NOL4: variants seen among roughly 807,000 people sequenced by gnomAD.
The protein encoded by NOL4 is nucleolar protein 4.
In NOL4, 17 loss-of-function variants were observed where a neutral mutation model predicts 75.9. The observed-to-expected ratio is 0.22, with a 90% CI of 0.15 to 0.34. The LOEUF is 0.34. NOL4 is among the 10% of genes least tolerant of loss of function. The pLI is 1.00. For synonymous variants in NOL4, 292 were observed against 289.9 expected (o/e 1.01, Z -0.07); for missense variants, 614 against 793.5 (o/e 0.77, Z 2.72).
intron 5 of NOL4, among the ~76,000 whole-genome samples, chr18:34,032,938 A>G (rs1308589606): frequency 1.3e-5 from 2 of 152,164 alleles, no homozygotes; most frequent in Non-Finnish European, 2.9e-5. Flanking sequence ...AATCACAGAT[A>G]CTACTGATGA....
intron 1 of NOL4, 44 bp from the exon 2 acceptor site, chr18:34,130,064 A>G (rs755864101): frequency 4.8e-6 from 7 of 1,457,124 alleles, no homozygotes; most frequent in Middle Eastern, 1.8e-4. Flanking sequence ...AGATTAATAA[A>G]CTAATTTGCA....
intron 4 of NOL4, among the ~76,000 whole-genome samples, chr18:34,100,040 CT>C (rs34923263): frequency 0.53 from 76,082 of 143,860 alleles, 19,884 homozygotes; most frequent in Admixed American, 0.59. Context: ...CTTAGTCTTG[CT>C]TTTTTTTTTT....
At chr18:34,036,311 G>A (rs1215299662) in intron 5 of NOL4, among the ~76,000 whole-genome samples, 1 of 152,004 alleles carries the variant, frequency 6.6e-6, no homozygotes, top group Non-Finnish European at 1.5e-5. Context: ...TGCAAGGGTG[G>A]TTTCATGTAC....
chr18:33,962,028 A>G (rs549977609), intron 6 of NOL4, among the ~76,000 whole-genome samples: 16 of 152,206 alleles, frequency 1.1e-4, no homozygotes, highest in Admixed American at 7.2e-4. Context: ...AAAATTGCCA[A>G]TCCCTTGGGT....
intron 6 of NOL4, among the ~76,000 whole-genome samples, chr18:33,994,514 A>G (rs1362001430): frequency 6.6e-6 from 1 of 151,898 alleles, no homozygotes; most frequent in Non-Finnish European, 1.5e-5. Context: ...AATATGTAGA[A>G]ATTAAGCAAT....
intron 5 of NOL4, among the ~76,000 whole-genome samples, chr18:34,059,857 A>G (rs1169358296): frequency 1.3e-5 from 2 of 152,164 alleles, no homozygotes; most frequent in Admixed American, 6.5e-5. Flanking sequence ...GAAGAGGAAG[A>G]GGCTCTGACA....
At chr18:33,989,190 CAAAAAAAAAAAAA>C (rs55924436) in intron 6 of NOL4, among the ~76,000 whole-genome samples, 14 of 65,088 alleles carry the variant, frequency 2.2e-4, no homozygotes, top group African/African-American at 7.6e-4. Flanking sequence ...CCCATCTCTA[CAAAAAAAAAAAAA>C]AAAAAAAAAA....
intron 9 of NOL4, among the ~76,000 whole-genome samples, chr18:33,884,195 T>C (rs938852463): frequency 2.6e-5 from 4 of 152,144 alleles, no homozygotes; most frequent in African/African-American, 7.2e-5. Flanking sequence ...AGTTGGGTTC[T>C]TGAAATCCAT....
At chr18:33,853,745 GACTT>G (rs1270605765) in intron 10 of NOL4, among the ~76,000 whole-genome samples, 1 of 151,968 alleles carries the variant, frequency 6.6e-6, no homozygotes, top group Non-Finnish European at 1.5e-5. Flanking sequence ...TTGGAATACT[GACTT>G]ACGTGTTTAG....
chr18:34,018,446 G>T (rs2074836236), intron 6 of NOL4, among the ~76,000 whole-genome samples: 1 of 152,072 alleles, frequency 6.6e-6, no homozygotes, highest in Non-Finnish European at 1.5e-5. Context: ...TAATGCCTTA[G>T]CAAATTCAGA....
At chr18:33,942,520 T>C (rs1342694189) in intron 9 of NOL4, among the ~76,000 whole-genome samples, 1 of 151,858 alleles carries the variant, frequency 6.6e-6, no homozygotes, top group Non-Finnish European at 1.5e-5. Context: ...TGACATGCAA[T>C]TGGCATACAA....
chr18:33,969,005 T>TA (rs1404753909), intron 6 of NOL4, among the ~76,000 whole-genome samples: 1 of 152,214 alleles, frequency 6.6e-6, no homozygotes, highest in Non-Finnish European at 1.5e-5. Flanking sequence ...AATTAATTAT[T>TA]GCTAATATCA....
At chr18:34,162,310 GA>G (rs2031617907) in intron 1 of NOL4, among the ~76,000 whole-genome samples, 2 of 152,060 alleles carry the variant, frequency 1.3e-5, no homozygotes, top group African/African-American at 4.8e-5. Context: ...ATGGTTTTTT[GA>G]AAGGATCAAC....
chr18:34,139,756 T>C (rs2081061705), intron 1 of NOL4, among the ~76,000 whole-genome samples: 1 of 152,206 alleles, frequency 6.6e-6, no homozygotes, highest in South Asian at 2.1e-4. Context: ...CTCTAGTTCT[T>C]TTAATTGTGA....
intron 9 of NOL4, among the ~76,000 whole-genome samples, chr18:33,898,350 T>C (rs1483043231): frequency 1.3e-5 from 2 of 152,240 alleles, no homozygotes; most frequent in East Asian, 3.8e-4. Context: ...ATAGTCACTC[T>C]CAAATTCTTA....
chr18:34,044,125 G>A (rs1041892415), intron 5 of NOL4, among the ~76,000 whole-genome samples: 3 of 151,792 alleles, frequency 2.0e-5, no homozygotes, highest in Non-Finnish European at 4.4e-5. Flanking sequence ...CTTTTAAATA[G>A]GTACAGAGGG....
At chr18:33,943,694 AAAT>A (rs2068650619) in intron 8 of NOL4, among the ~76,000 whole-genome samples, 1 of 151,684 alleles carries the variant, frequency 6.6e-6, no homozygotes, top group African/African-American at 2.4e-5. Context: ...TTTTAAATAT[AAAT>A]AATTAAAAAC....
intron 2 of NOL4, among the ~76,000 whole-genome samples, chr18:34,126,113 C>T (rs772846800): frequency 1.3e-5 from 2 of 152,094 alleles, no homozygotes; most frequent in Non-Finnish European, 2.9e-5. Context: ...TGTCCTTCTA[C>T]GTGAAACATG....
intron 6 of NOL4, among the ~76,000 whole-genome samples, chr18:33,972,377 C>T (rs1376762450): frequency 6.6e-6 from 1 of 152,054 alleles, no homozygotes; most frequent in African/African-American, 2.4e-5. Context: ...CTTAGCCTTA[C>T]TAATTATCCG....
Sources: allele counts gnomAD v4.1 joint callset (sites outside exome capture counted in the v4.1 genomes callset), GRCh38; gene constraint gnomAD v4.1.1; transcripts MANE v1.5; gene names NCBI Gene and HGNC (gene_info 2026-07-23, HGNC 2026-07-21).